The following TAFA2 variants were observed in gnomAD, a reference collection of about 807,000 sequenced individuals.
TAFA2 encodes the protein TAFA chemokine like family member 2.
Under a neutral mutation model 18.8 loss-of-function variants are expected in TAFA2, and 7 were observed. The observed-to-expected ratio is 0.37, with a 90% CI of 0.21 to 0.70. The LOEUF is 0.70. TAFA2 is among the 30% of genes least tolerant of loss of function. TAFA2 has a pLI of 0.53. For synonymous variants in TAFA2, 60 were observed against 54.2 expected (o/e 1.11, Z -0.47); for missense variants, 122 against 158.1 (o/e 0.77, Z 1.23).
chr12:61,767,048 T>C (rs1468548452), intron 2 of TAFA2, among the ~76,000 whole-genome samples: 1 of 152,108 alleles, frequency 6.6e-6, no homozygotes, highest in African/African-American at 2.4e-5. Context: ...AAGTTGGTGA[T>C]ATATGATGGT....
chr12:61,742,138 G>A (rs1026771414), intron 4 of TAFA2, among the ~76,000 whole-genome samples: 53 of 152,066 alleles, frequency 3.5e-4, no homozygotes, highest in African/African-American at 1.2e-3. Context: ...CAAGAGATCC[G>A]TCTGCTTCTG....
Position 61,881,009 on chromosome 12 carries a change from T to A in TAFA2, c.-1-13583A>T, listed in dbSNP as rs142862228. Among the ~76,000 whole-genome samples, 1,212 of 151,694 alleles carry A rather than the reference T, an allele frequency of 8.0e-3. 22 individuals carry two copies. The highest frequency in any genetic ancestry group is 0.027 in the African/African-American group (1,126 of 41,408). ...AACCCTCAGCTAGCTCTGCCAACTA[T>A]CAAAAAGAAAAAAGAGTTTGATAAT... is the stretch of plus-strand genomic sequence containing the variant. On this transcript the variant is annotated intron_variant, in intron 1 of 4. Transcript: ENST00000416284.
chr12:62,131,606 C>CA (rs1210441842), intron 1 of TAFA2, among the ~76,000 whole-genome samples: 1 of 151,866 alleles, frequency 6.6e-6, no homozygotes, highest in African/African-American at 2.4e-5. Context: ...TACATTATAA[C>CA]AAAGCAATAG....
intron 1 of TAFA2, among the ~76,000 whole-genome samples, chr12:61,929,129 C>T (rs1307158893): frequency 6.7e-6 from 1 of 149,630 alleles, no homozygotes; most frequent in Non-Finnish European, 1.5e-5. Context: ...GCACGTTCTG[C>T]ACATGTATCC....
At chr12:61,739,256 G>A (rs1479644644) in intron 4 of TAFA2, among the ~76,000 whole-genome samples, 2 of 151,988 alleles carry the variant, frequency 1.3e-5, no homozygotes, top group African/African-American at 2.4e-5. Flanking sequence ...GGCACCAGCA[G>A]TGCTCTGTAA....
chr12:62,244,091 T>C (rs1239845599), intron 1 of TAFA2, among the ~76,000 whole-genome samples: 4 of 145,970 alleles, frequency 2.7e-5, no homozygotes, highest in African/African-American at 7.6e-5. Context: ...TACCTGGCCT[T>C]TTTTTTTTTT....
chr12:61,774,849 T>C (rs1870187496), intron 2 of TAFA2, among the ~76,000 whole-genome samples: 1 of 151,776 alleles, frequency 6.6e-6, no homozygotes, highest in African/African-American at 2.4e-5. Flanking sequence ...AAAATTGGTC[T>C]TTGAAAATAA....
At chr12:61,873,983 A>G (rs142911038) in intron 1 of TAFA2, among the ~76,000 whole-genome samples, 2 of 152,276 alleles carry the variant, frequency 1.3e-5, no homozygotes, top group East Asian at 3.9e-4. Flanking sequence ...ATAATCATGT[A>G]TGTTGTGTGT....
intron 1 of TAFA2, among the ~76,000 whole-genome samples, chr12:62,147,326 GTATATATATATATA>G (rs1219861920): frequency 2.0e-4 from 4 of 19,552 alleles, no homozygotes; most frequent in African/African-American, 5.0e-4. Flanking sequence ...GTGTATGTAT[GTATATATATATATA>G]TATATATATA....
At chr12:62,234,508 T>C (rs2062826552) in intron 1 of TAFA2, 2 of 1,072,200 alleles carry the variant, frequency 1.9e-6, no homozygotes, top group East Asian at 2.6e-5. Context: ...TTGGCTGCAC[T>C]GATCACATTT....
At chr12:62,181,118 G>A (rs944270403) in intron 1 of TAFA2, among the ~76,000 whole-genome samples, 4 of 151,998 alleles carry the variant, frequency 2.6e-5, no homozygotes, top group Non-Finnish European at 2.9e-5. Flanking sequence ...TTGTTAATTC[G>A]GGTGTAGGTC....
chr12:62,092,056 C>T (rs980497648), intron 1 of TAFA2, among the ~76,000 whole-genome samples: 2 of 151,878 alleles, frequency 1.3e-5, no homozygotes, highest in Admixed American at 6.6e-5. Flanking sequence ...CTGTTGGCAT[C>T]GGTGCCCAAA....
intron 1 of TAFA2, chr12:61,879,639 T>C: frequency 2.2e-6 from 2 of 896,574 alleles, no homozygotes; most frequent in Non-Finnish European, 3.7e-6. Context: ...GCCTCCTTCA[T>C]CGACAAGGTA....
chr12:62,189,721 C>T (rs191517392), intron 1 of TAFA2, among the ~76,000 whole-genome samples: 13 of 152,232 alleles, frequency 8.5e-5, no homozygotes, highest in Admixed American at 7.8e-4. Context: ...ATTAATTGTT[C>T]ATTTGTCTTA....
rs928153447 is a variant in TAFA2, at chr12:61,975,714, A to T, written c.-1-108288T>A. Among the ~76,000 whole-genome samples, 8 of 151,736 alleles carry T rather than the reference A, an allele frequency of 5.3e-5. No individual in the cohort carries two copies. The East Asian group carries it at 1.6e-3, about 29-fold the overall frequency. On this transcript the variant is annotated intron_variant, in intron 1 of 4. Coordinates refer to ENST00000416284, the MANE Select transcript of TAFA2 (RefSeq NM_178539.5). ...AATCTTACCCAAAACATCAACAGGG[A>T]CCCATCTGATGATTATCCCCTTTGA...
chr12:62,220,435 A>T (rs2062755825), intron 1 of TAFA2, among the ~76,000 whole-genome samples: 1 of 152,232 alleles, frequency 6.6e-6, no homozygotes, highest in South Asian at 2.1e-4. Flanking sequence ...AGGAACTGTC[A>T]CTCACTGCTG....
intron 4 of TAFA2, chr12:61,720,880 T>C (rs749282407): frequency 3.9e-6 from 2 of 516,132 alleles, no homozygotes; most frequent in Non-Finnish European, 7.7e-6. Context: ...AGAAACCTTC[T>C]CTTTCTACTT....
intron 1 of TAFA2, among the ~76,000 whole-genome samples, chr12:62,016,632 A>G (rs1880944817): frequency 6.6e-6 from 1 of 152,148 alleles, no homozygotes. Flanking sequence ...CTCCTTTCCT[A>G]ATATAAAATG....
intron 1 of TAFA2, among the ~76,000 whole-genome samples, chr12:62,088,065 T>C (rs958434283): frequency 3.3e-5 from 5 of 152,082 alleles, no homozygotes; most frequent in African/African-American, 1.2e-4. Context: ...ATAAATCATA[T>C]GGTTGCCCTA....
Sources: allele counts gnomAD v4.1 joint callset (sites outside exome capture counted in the v4.1 genomes callset), GRCh38; gene constraint gnomAD v4.1.1; transcripts MANE v1.5; gene names NCBI Gene and HGNC (gene_info 2026-07-23, HGNC 2026-07-21).